Variants in ADGRF1 observed in about 807,000 individuals in gnomAD.
The protein encoded by ADGRF1 is G protein-coupled receptor 110.
A neutral mutation model predicts 87.2 loss-of-function variants in ADGRF1; 85 were observed. The observed-to-expected ratio is 0.97, with a 90% CI of 0.82 to 1.17. The LOEUF (loss-of-function observed/expected upper bound fraction) is 1.17, where lower values mean the gene tolerates loss of function less well. Ranked by LOEUF, ADGRF1 falls within the 50% of genes most tolerant of loss-of-function variation. The probability of loss-of-function intolerance (pLI) is 0.00; values close to 1 mark genes in which losing one functional copy is unlikely to be tolerated. For synonymous variants in ADGRF1, 430 were observed against 408.8 expected (o/e 1.05, Z -0.63); for missense variants, 1,169 against 1,077.2 (o/e 1.09, Z -1.19).
At chr6:47,019,238 A>C in intron 7 of ADGRF1, 1 of 905,046 alleles carries the variant, frequency 1.1e-6, no homozygotes, top group African/African-American at 1.8e-5. Context: ...GAAAAGAAAA[A>C]TATGAATATT....
chr6:47,022,127 T>A, intron 5 of ADGRF1, 69 bp from the exon 6 acceptor site: 1 of 870,728 alleles, frequency 1.1e-6, no homozygotes, highest in Non-Finnish European at 1.8e-6. Flanking sequence ...AGCATACAAT[T>A]ATAGAAGTAC....
chr6:47,022,415 A>T (rs921062619), intron 5 of ADGRF1, among the ~76,000 whole-genome samples: 1 of 152,244 alleles, frequency 6.6e-6, no homozygotes, highest in Non-Finnish European at 1.5e-5. Context: ...GATGACCGTA[A>T]CAGCAACACT....
chr6:47,033,934 A>C (rs1780510455), intron 1 of ADGRF1, among the ~76,000 whole-genome samples: 2 of 152,248 alleles, frequency 1.3e-5, no homozygotes, highest in African/African-American at 4.8e-5. Context: ...TGAGCGAGAC[A>C]AACTTCCTCT....
rs555814985 is a variant in ADGRF1 at position 47,007,886 on chromosome 6, C to G, written c.2491-592G>C. Among the ~76,000 whole-genome samples the G allele has an allele frequency of 2.0e-5, 3 of 152,314 alleles. No individual in the cohort carries two copies. The East Asian group carries it at 5.8e-4, about 29-fold the overall frequency. On this transcript the variant is annotated intron_variant, in intron 11 of 14. Coordinates refer to ENST00000371253, the MANE Select transcript of ADGRF1 (RefSeq NM_153840.4). ...CAGGGGTGCCCTAAGCTTGTCACTG[C>G]TAGGGGCATGCTCTATGATTGCCAT...
In ADGRF1 at chr6:47,027,775, A is replaced by G; in HGVS notation, c.70-14T>C. On this transcript the variant is annotated splice_polypyrimidine_tract_variant and intron_variant, in intron 2 of 14. Transcript: ENST00000371253. ...GCCATCATTTTTCTGTTAAAAAGAA[A>G]AAAAATAGTTACGGTGAGACTTTGA... 7.0e-7 allele frequency: 1 copy of G among 1,433,218 alleles called. No individual in the cohort carries two copies. Among genetic ancestry groups the G allele is most frequent in the East Asian group, 2.3e-5 (1 of 44,062 alleles). 88.8% of individuals were successfully genotyped at this position (1,433,218 alleles called of 1,614,324 possible). A position where few individuals can be genotyped will look rare whatever the true frequency, so the allele number is the denominator to read the frequency against.
intron 7 of ADGRF1, chr6:47,020,319 CCT>C (rs1780007841): frequency 1.1e-6 from 1 of 930,796 alleles, no homozygotes. Context: ...ATGGTGAAAC[CCT>C]GTCTCTACTA....
In ADGRF1 at chr6:47,016,610, G is replaced by C; in HGVS notation, c.763+7C>G. The C allele has an allele frequency of 6.3e-7, 1 of 1,593,246 alleles. No homozygotes were observed. Among genetic ancestry groups the C allele is most frequent in the South Asian group, 1.1e-5 (1 of 89,212 alleles). On this transcript the variant is annotated splice_region_variant and intron_variant, in intron 8 of 14. Coordinates refer to ENST00000371253, the MANE Select transcript of ADGRF1 (RefSeq NM_153840.4). ...AACCTAAGCAGAGGATGGGAATCCA[G>C]CATTACCTTTTCCGAACACTCTGAA...
chr6:47,016,846 A>C, intron 7 of ADGRF1, 78 bp from the exon 8 acceptor site: 1 of 1,455,876 alleles, frequency 6.9e-7, no homozygotes, highest in Non-Finnish European at 9.1e-7. Context: ...CTGTGTGTAC[A>C]TGCCATGGGG....
intron 8 of ADGRF1, among the ~76,000 whole-genome samples, chr6:47,015,218 A>G (rs16875409): frequency 0.016 from 2,445 of 152,344 alleles, 119 homozygotes; most frequent in East Asian, 0.16. Context: ...TCCAGACACT[A>G]TAGAATAAAG....
intron 2 of ADGRF1, among the ~76,000 whole-genome samples, chr6:47,028,228 T>C (rs973932508): frequency 6.6e-6 from 1 of 152,156 alleles, no homozygotes; most frequent in Non-Finnish European, 1.5e-5. Context: ...TCTGGGGTTG[T>C]TGAAATCATG....
intron 10 of ADGRF1, 98 bp from the exon 11 acceptor site, chr6:47,010,416 C>A (rs1020821243): frequency 5.9e-6 from 6 of 1,010,804 alleles, no homozygotes; most frequent in Non-Finnish European, 8.5e-6. Context: ...GAAAAATGCC[C>A]AGAGAATTGG....
intron 14 of ADGRF1, among the ~76,000 whole-genome samples, chr6:47,001,181 G>GGGGGAAAGA: frequency 6.6e-6 from 1 of 152,290 alleles, no homozygotes; most frequent in South Asian, 2.1e-4. Context: ...GACATAAATC[G>GGGGGAAAGA]TGTTAGTCTA....
At chr6:47,002,923 C>T (rs572980842) in intron 13 of ADGRF1, among the ~76,000 whole-genome samples, 78 of 152,248 alleles carry the variant, frequency 5.1e-4, no homozygotes, top group African/African-American at 1.9e-3. Context: ...AGTCTCACTG[C>T]TCTGTTCAGG....
chr6:47,025,911 G>C lies in ADGRF1; in HGVS notation c.220C>G (p.Pro74Ala), dbSNP rs1780217265. 6.2e-7 allele frequency: 1 copy of C among 1,611,752 alleles called. No homozygotes were observed. The highest frequency in any genetic ancestry group is 8.5e-7 in the Non-Finnish European group (1 of 1,179,260). The change falls in exon 4 of 15, where the codon CCT (proline) becomes GCT (alanine). Residue 74 changes from proline (P) to alanine (A), a missense_variant. By Grantham distance (27) the Pro-to-Ala change is conservative. Transcript: ENST00000371253. ...DLRNFLKLLK[P>A]PLLWSHGLIR... ...AGCCCATGTGACCATAATAATGGAG[G>C]CTTCAAGAGCTTCAGAAAATTTCTC...
chr6:46,999,969 TTTCCAAC>T lies in ADGRF1; in HGVS notation c.*246_*252del, dbSNP rs1779316238. 1 of 395,522 alleles carries T rather than the reference TTTCCAAC, an allele frequency of 2.5e-6. No homozygotes were observed. The highest frequency in any genetic ancestry group is 3.7e-5 in the South Asian group (1 of 27,048). 24.5% of individuals were successfully genotyped at this position (395,522 alleles called of 1,614,324 possible). A position where few individuals can be genotyped will look rare whatever the true frequency, so the allele number is the denominator to read the frequency against. On this transcript the variant is annotated 3_prime_UTR_variant, in exon 15 of 15. Transcript: ENST00000371253. ...TATGGTCAGGGTACAACTGACACGA[TTTCCAAC>T]AAAACCTACTCTTCTGCATTTATGG...
chr6:47,012,953 A>T, intron 9 of ADGRF1: 1 of 606,324 alleles, frequency 1.6e-6, no homozygotes, highest in Non-Finnish European at 2.1e-6. Context: ...TTGTATCCTT[A>T]GTAGAAACAG....
intron 9 of ADGRF1, chr6:47,013,741 G>A (rs570207850): frequency 1.4e-6 from 1 of 712,820 alleles, no homozygotes; most frequent in East Asian, 1.3e-4. Context: ...GGGCTTGGTG[G>A]GAGATGATTG....
At chr6:47,039,218 C>A (rs929615961) in intron 1 of ADGRF1, among the ~76,000 whole-genome samples, 2 of 152,164 alleles carry the variant, frequency 1.3e-5, no homozygotes, top group Non-Finnish European at 2.9e-5. Context: ...CTGACATTTG[C>A]ACTAAAACCA....
rs138692203 is a variant in ADGRF1, at chr6:47,027,888, G to A, written c.70-127C>T. ...TCCAAGCCAGGGATGGTGGAGAGGC[G>A]GCCAGGGAAGGCCTCACTGGAGCAA... is the stretch of plus-strand genomic sequence containing the variant. On this transcript the variant is annotated intron_variant, in intron 2 of 14. Coordinates refer to ENST00000371253, the MANE Select transcript of ADGRF1 (RefSeq NM_153840.4). 1.1e-3 allele frequency: 722 copies of A among 671,210 alleles called. 9 individuals carry two copies. The East Asian group carries it at 0.017, about 15-fold the overall frequency. The allele number at this position is 671,210 out of a possible 1,614,324, so 41.6% of individuals were successfully genotyped here. A position where few individuals can be genotyped will look rare whatever the true frequency, so the allele number is the denominator to read the frequency against.
Sources: gnomAD v4.1 joint callset for allele counts (sites outside exome capture counted in the v4.1 genomes callset) on GRCh38, gnomAD v4.1.1 for gene constraint, MANE v1.5 for transcripts, NCBI Gene and HGNC (gene_info 2026-07-23, HGNC 2026-07-21) for gene names.